Variants in CDC42BPA observed in about 807,000 individuals in gnomAD.
CDC42BPA encodes the protein CDC42 binding protein kinase alpha, also known as serine/threonine-protein kinase MRCK alpha.
In CDC42BPA, 80 loss-of-function variants were observed where a neutral mutation model predicts 223.5. The observed-to-expected ratio is 0.36, with a 90% CI of 0.30 to 0.43. The LOEUF is 0.43. CDC42BPA is among the 20% of genes least tolerant of loss of function. The probability of loss-of-function intolerance (pLI) is 1.00; values close to 1 mark genes in which losing one functional copy is unlikely to be tolerated. For missense variants in CDC42BPA, 1,743 were observed against 2,099.9 expected (o/e 0.83, Z 3.32); for synonymous variants, 694 against 718.6 (o/e 0.97, Z 0.55).
At chr1:227,262,209 A>T (rs1265185352) in intron 1 of CDC42BPA, among the ~76,000 whole-genome samples, 1 of 151,730 alleles carries the variant, frequency 6.6e-6, no homozygotes, top group Non-Finnish European at 1.5e-5. Flanking sequence ...AAGAAATACA[A>T]ATAATGAAAG....
intron 34 of CDC42BPA, among the ~76,000 whole-genome samples, chr1:227,006,371 G>A (rs2802270): frequency 0.01 from 1,526 of 152,274 alleles, 25 homozygotes; most frequent in Admixed American, 0.012. Context: ...ACAGGCTATG[G>A]AGGGATTTGG....
chr1:227,003,332 T>TGGGGACTGCACTTACGC (rs1449473137), intron 35 of CDC42BPA, among the ~76,000 whole-genome samples: 1 of 152,098 alleles, frequency 6.6e-6, no homozygotes, highest in Non-Finnish European at 1.5e-5. Flanking sequence ...CTGGTACACT[T>TGGGGACTGCACTTACGC]GGGGACTGCA....
chr1:227,083,134 A>G (rs6685823), intron 16 of CDC42BPA, among the ~76,000 whole-genome samples: 96,123 of 151,960 alleles, frequency 0.63, 30,538 homozygotes, highest in East Asian at 0.72. Context: ...CACTCTTCAA[A>G]TATTGCACTG....
At chr1:227,305,872 G>A (rs1417171520) in intron 1 of CDC42BPA, among the ~76,000 whole-genome samples, 5 of 152,044 alleles carry the variant, frequency 3.3e-5, no homozygotes, top group Non-Finnish European at 7.4e-5. Context: ...AGGCTGAGGC[G>A]GGAGAATCAC....
chr1:227,052,408 C>T (rs1673693795), intron 21 of CDC42BPA, among the ~76,000 whole-genome samples: 1 of 152,176 alleles, frequency 6.6e-6, no homozygotes, highest in Admixed American at 6.5e-5. Context: ...TTTTACTACT[C>T]ATTAACTGAA....
chr1:227,012,683 CAT>C (rs1317728647), intron 34 of CDC42BPA, among the ~76,000 whole-genome samples: 13 of 152,180 alleles, frequency 8.5e-5, no homozygotes, highest in African/African-American at 2.2e-4. Flanking sequence ...TATTTAAAAA[CAT>C]ATATGTTAAC....
chr1:227,318,237 C>T lies in CDC42BPA; in HGVS notation c.-1055G>A, dbSNP rs1694705998. 1.3e-5 allele frequency: 2 copies of T among 155,194 alleles called. No homozygotes were observed. The highest frequency in any genetic ancestry group is 2.4e-5 in the African/African-American group (1 of 41,346). The allele number at this position is 155,194 out of a possible 1,614,324, so 9.6% of individuals were successfully genotyped here. ...GGGCGGCTCTGGCAGCTACTTCTCCCCCTTCTTCACACCCCTGGGCTAAGG... is the reference window on the plus strand; with the variant it reads ...GGGCGGCTCTGGCAGCTACTTCTCCTCCTTCTTCACACCCCTGGGCTAAGG... On this transcript the variant is annotated 5_prime_UTR_variant, in exon 1 of 37. Transcript: ENST00000366766.
At chr1:227,201,731 AT>A (rs1238266383) in intron 3 of CDC42BPA, among the ~76,000 whole-genome samples, 1 of 150,120 alleles carries the variant, frequency 6.7e-6, no homozygotes, top group Non-Finnish European at 1.5e-5. Flanking sequence ...CCTCCCCTAT[AT>A]TTTTTGGTCT....
chr1:227,131,417 T>C (rs1657082591), intron 10 of CDC42BPA, among the ~76,000 whole-genome samples: 1 of 152,186 alleles, frequency 6.6e-6, no homozygotes, highest in African/African-American at 2.4e-5. Flanking sequence ...AGAAGTCCAC[T>C]AGGGGGCTTC....
At chr1:227,103,760 T>A (rs968243595) in intron 14 of CDC42BPA, among the ~76,000 whole-genome samples, 2 of 152,004 alleles carry the variant, frequency 1.3e-5, no homozygotes, top group Non-Finnish European at 2.9e-5. Flanking sequence ...CAGCTAGCAA[T>A]AAAATAACAA....
At chr1:227,142,567 AT>A (rs1659886367) in intron 9 of CDC42BPA, among the ~76,000 whole-genome samples, 1 of 151,840 alleles carries the variant, frequency 6.6e-6, no homozygotes, top group Admixed American at 6.6e-5. Context: ...TTTCTCATAC[AT>A]CTTTTACGAA....
intron 14 of CDC42BPA, among the ~76,000 whole-genome samples, chr1:227,104,112 AAGAG>A (rs754245936): frequency 6.6e-6 from 1 of 152,080 alleles, no homozygotes. Context: ...TTAGCAAATA[AAGAG>A]AGAATTTATG....
chr1:227,236,376 C>T (rs557187773), intron 2 of CDC42BPA, among the ~76,000 whole-genome samples: 2 of 152,194 alleles, frequency 1.3e-5, no homozygotes, highest in Admixed American at 1.3e-4. Flanking sequence ...AAACAAATAC[C>T]TCTATGTCTT....
At chr1:227,080,516 C>T (rs1680417812) in intron 17 of CDC42BPA, among the ~76,000 whole-genome samples, 1 of 151,994 alleles carries the variant, frequency 6.6e-6, no homozygotes, top group African/African-American at 2.4e-5. Flanking sequence ...GTTTTTTTTG[C>T]AGGCCTTCCA....
chr1:227,182,742 C>T (rs562418760), intron 5 of CDC42BPA: 1 of 152,202 alleles, frequency 6.6e-6, no homozygotes, highest in Non-Finnish European at 1.5e-5. Flanking sequence ...GACAGTGTTA[C>T]CAGAGGAAAC....
chr1:226,996,450 C>A (rs1022678442), intron 35 of CDC42BPA, among the ~76,000 whole-genome samples: 2 of 152,100 alleles, frequency 1.3e-5, no homozygotes, highest in African/African-American at 4.8e-5. Flanking sequence ...ATCTGAATAC[C>A]CTTTATTTCC....
intron 6 of CDC42BPA, among the ~76,000 whole-genome samples, chr1:227,150,742 T>TA (rs1661583393): frequency 6.6e-6 from 1 of 150,760 alleles, no homozygotes; most frequent in African/African-American, 2.4e-5. Flanking sequence ...GAGGCAGGAG[T>TA]AACCACCTTA....
intron 3 of CDC42BPA, among the ~76,000 whole-genome samples, chr1:227,208,699 T>G (rs1673290812): frequency 6.6e-6 from 1 of 151,702 alleles, no homozygotes. Context: ...GGCTCTGTTC[T>G]GTTCCACTGA....
chr1:227,136,410 A>AATTGTATCTC (rs1441853258), intron 10 of CDC42BPA, among the ~76,000 whole-genome samples: 13 of 152,216 alleles, frequency 8.5e-5, no homozygotes, highest in African/African-American at 2.7e-4. Flanking sequence ...GATACCATCT[A>AATTGTATCTC]ACATATACAC....
Sources: gnomAD v4.1 joint callset for allele counts (sites outside exome capture counted in the v4.1 genomes callset) on GRCh38, gnomAD v4.1.1 for gene constraint, MANE v1.5 for transcripts, NCBI Gene and HGNC (gene_info 2026-07-23, HGNC 2026-07-21) for gene names.